TEX9: variants seen among roughly 807,000 people sequenced by gnomAD.
TEX9 encodes the protein testis-expressed protein 9.
A neutral mutation model predicts 59.6 loss-of-function variants in TEX9; 74 were observed. That is an observed-to-expected ratio of 1.24 (90% confidence interval 1.03 to 1.51). The LOEUF is 1.51. TEX9 is among the 40% of genes most tolerant of loss of function. The pLI, the probability that TEX9 is intolerant of heterozygous loss-of-function variation, is 0.00. For synonymous variants in TEX9, 186 were observed against 152.2 expected, an observed-to-expected ratio of 1.22 and a Z score of -1.64; for missense variants, 522 against 447.8, an observed-to-expected ratio of 1.17 and a Z score of -1.49.
chr15:56,346,026 A>G (rs1315349130), intron 1 of TEX9, among the ~76,000 whole-genome samples: 1 of 152,180 alleles, frequency 6.6e-6, no homozygotes, highest in African/African-American at 2.4e-5. Context: ...GGGAATCAGG[A>G]TACATGGCAG....
downstream of TEX9, among the ~76,000 whole-genome samples, chr15:56,448,367 T>G (rs1032057998): frequency 2.6e-5 from 4 of 152,312 alleles, 1 homozygote; most frequent in South Asian, 4.1e-4. Flanking sequence ...CAGAATCAAA[T>G]GGGTTGTTTT....
chr15:56,262,882 CT>C (rs1187901403), intron 1 of TEX9, among the ~76,000 whole-genome samples: 4 of 152,166 alleles, frequency 2.6e-5, no homozygotes, highest in African/African-American at 9.7e-5. Context: ...CACTTCTGGC[CT>C]TAAAGTTTAC....
intron 1 of TEX9, among the ~76,000 whole-genome samples, chr15:56,306,810 C>G (rs1483755221): frequency 6.6e-6 from 1 of 152,136 alleles, no homozygotes; most frequent in Non-Finnish European, 1.5e-5. Context: ...CCCATTTACT[C>G]TGATGTGATT....
At chr15:56,442,007 G>A (rs913660818) in intron 12 of TEX9, among the ~76,000 whole-genome samples, 55 of 151,966 alleles carry the variant, frequency 3.6e-4, no homozygotes, top group Admixed American at 1.8e-3. Flanking sequence ...GCGACAGAGC[G>A]AGACTCCCAT....
the TEX9 span, among the ~76,000 whole-genome samples, chr15:56,455,247 GA>G: frequency 0.67 from 55,304 of 83,110 alleles, 17,645 homozygotes; most frequent in Middle Eastern, 0.82. Context: ...ATCGTCAGGT[GA>G]AAAAAAAAAA....
At chr15:56,396,770 T>G (rs1239689052) in intron 9 of TEX9, 1 of 152,060 alleles carries the variant, frequency 6.6e-6, no homozygotes, top group Non-Finnish European at 1.5e-5. Flanking sequence ...AAGGGAGAGT[T>G]TCCCAGTGCA....
In TEX9 at chr15:56,300,708, G is replaced by GGAGAGAGAGAGAGA. The variant is rs60361737; in HGVS notation, c.-107+56455_-107+56468dup. Among the ~76,000 whole-genome samples the GGAGAGAGAGAGAGA allele has an allele frequency of 2.7e-3, 282 of 102,672 alleles. 16 individuals carry two copies. Among genetic ancestry groups the GGAGAGAGAGAGAGA allele is most frequent in the African/African-American group, 0.011 (268 of 25,324 alleles). 67.4% of individuals were successfully genotyped at this position (102,672 alleles called of 152,430 possible). The stretch of plus-strand genomic sequence containing the variant: ...AGCAGAGAGAGAGAGAGAGAGAGAG[G>GGAGAGAGAGAGAGA]GAGAGAGAGAGAGAGAGAGAGAGAG... On this transcript the variant is annotated intron_variant, in intron 1 of 5. Transcript: ENST00000560827.
At chr15:56,413,145 A>G (rs892640346) in intron 10 of TEX9, among the ~76,000 whole-genome samples, 3 of 80,212 alleles carry the variant, frequency 3.7e-5, no homozygotes, top group Non-Finnish European at 6.7e-5. Context: ...TGAAAGGGTA[A>G]TAAGTGATAT....
In TEX9 at chr15:56,428,858, G is replaced by C. The variant is rs151291258; in HGVS notation, c.*29+385G>C. On this transcript the variant is annotated intron_variant, in intron 12 of 12. Transcript: ENST00000352903. Reference sequence around the variant, plus strand: ...GGTAAATATACTGTCTTGAGGATGGGGATGCAAACAGTGCTCTGTAGTGTT... The same window carrying C: ...GGTAAATATACTGTCTTGAGGATGGCGATGCAAACAGTGCTCTGTAGTGTT... 6.0e-5 allele frequency: 26 copies of C among 432,808 alleles called. No homozygotes were observed. The East Asian group carries it at 1.0e-3, about 17-fold the overall frequency. The allele number at this position is 432,808 out of a possible 1,614,324, so 26.8% of individuals were successfully genotyped here. A position where few individuals can be genotyped will look rare whatever the true frequency, so the allele number is the denominator to read the frequency against.
chr15:56,277,958 G>GT (rs1201686394), intron 1 of TEX9, among the ~76,000 whole-genome samples: 100 of 148,840 alleles, frequency 6.7e-4, no homozygotes, highest in South Asian at 1.9e-3. Context: ...ACACTATTTC[G>GT]TTTTTTTTTT....
intron 1 of TEX9, among the ~76,000 whole-genome samples, chr15:56,248,420 T>C (rs79240849): frequency 0.067 from 10,151 of 152,258 alleles, 470 homozygotes; most frequent in Admixed American, 0.11. Flanking sequence ...CTGTTAACAC[T>C]GTCACTACCT....
downstream of TEX9, chr15:56,447,696 G>A (rs1159778041): frequency 1.3e-5 from 2 of 151,942 alleles, no homozygotes; most frequent in East Asian, 1.9e-4. Context: ...ATGTTTAAAG[G>A]ATACAGTTTG....
intron 3 of TEX9, among the ~76,000 whole-genome samples, chr15:56,379,690 A>G (rs143142081): frequency 2.0e-5 from 3 of 152,312 alleles, no homozygotes; most frequent in African/African-American, 7.2e-5. Context: ...CTTTAGCTCG[A>G]ATAATATTTG....
intron 2 of TEX9, chr15:56,366,012 C>G: frequency 1.6e-6 from 1 of 643,498 alleles, no homozygotes; most frequent in South Asian, 3.6e-5. Context: ...TAGGTTATTT[C>G]GCTTAATATC....
intron 1 of TEX9, among the ~76,000 whole-genome samples, chr15:56,318,658 T>G (rs1018525190): frequency 6.6e-5 from 10 of 152,146 alleles, no homozygotes; most frequent in Admixed American, 3.9e-4. Context: ...CATATAATTT[T>G]AATTCTCTTG....
chr15:56,384,647 A>G (rs1247122042), intron 4 of TEX9, among the ~76,000 whole-genome samples: 3 of 152,236 alleles, frequency 2.0e-5, no homozygotes, highest in African/African-American at 7.2e-5. Flanking sequence ...GCTGCATAAC[A>G]AAAATTCAGA....
At chr15:56,249,742 CAAAAAAAAAAA>C (rs11440856) in intron 1 of TEX9, among the ~76,000 whole-genome samples, 10 of 25,456 alleles carry the variant, frequency 3.9e-4, no homozygotes, top group African/African-American at 8.6e-4. Context: ...GGATCTGTCT[CAAAAAAAAAAA>C]AAAAAAAAAA....
chr15:56,389,613 C>G (rs572539546), intron 6 of TEX9, among the ~76,000 whole-genome samples: 1 of 151,878 alleles, frequency 6.6e-6, no homozygotes, highest in Non-Finnish European at 1.5e-5. Flanking sequence ...ATATTGTTCT[C>G]TTAAGCAAAA....
At chr15:56,379,279 C>G (rs1181103427) in intron 3 of TEX9, among the ~76,000 whole-genome samples, 3 of 152,012 alleles carry the variant, frequency 2.0e-5, no homozygotes. Flanking sequence ...AGAAATTTCT[C>G]AGTTTCCTTC....
Sources: allele counts gnomAD v4.1 joint callset (sites outside exome capture counted in the v4.1 genomes callset), GRCh38; gene constraint gnomAD v4.1.1; transcripts MANE v1.5; gene names NCBI Gene and HGNC (gene_info 2026-07-23, HGNC 2026-07-21).